The following RBFOX1 variants were observed in gnomAD, a reference collection of about 807,000 sequenced individuals.
RBFOX1 encodes RNA binding protein fox-1 homolog 1.
RBFOX1 carries 8 observed loss-of-function variants against 57.7 expected under a neutral mutation model. That is an observed-to-expected ratio of 0.14 (90% confidence interval 0.08 to 0.25). RBFOX1 has a LOEUF of 0.25. Ranked by LOEUF, RBFOX1 falls within the 10% of genes least tolerant of loss-of-function variation. The pLI is 1.00. For missense variants in RBFOX1, 611 were observed against 548.5 expected (o/e 1.11, Z -1.14); for synonymous variants, 326 against 222.4 (o/e 1.47, Z -4.15).
chr16:7,446,798 A>ATTTTTT (rs34580591), intron 4 of RBFOX1, among the ~76,000 whole-genome samples: 4 of 49,018 alleles, frequency 8.2e-5, no homozygotes, highest in Admixed American at 4.0e-4. Flanking sequence ...AGGTCTAGGT[A>ATTTTTT]TTTTTTTTTT....
At chr16:7,233,892 C>G (rs768176084) in intron 4 of RBFOX1, among the ~76,000 whole-genome samples, 15 of 152,202 alleles carry the variant, frequency 9.9e-5, no homozygotes, top group Admixed American at 1.3e-4. Context: ...AATCACCACT[C>G]AACGAGAGCT....
chr16:6,845,728 A>G (rs1441179022), intron 3 of RBFOX1, among the ~76,000 whole-genome samples: 8 of 152,070 alleles, frequency 5.3e-5, no homozygotes, highest in Non-Finnish European at 7.4e-5. Context: ...AGACCCATGT[A>G]CCTCCTTCCT....
chr16:5,568,226 T>C (rs1243588401), intron 2 of RBFOX1, among the ~76,000 whole-genome samples: 1 of 151,170 alleles, frequency 6.6e-6, no homozygotes, highest in African/African-American at 2.4e-5. Flanking sequence ...TTGCAGCGTA[T>C]GGGGGCCTGT....
Position 7,278,880 on chromosome 16 carries a change from G to T in RBFOX1, c.27+226782G>T, listed in dbSNP as rs200778381. On this transcript the variant is annotated intron_variant, in intron 4 of 15. Transcript: ENST00000550418. ...GTTCTCAGCCTAAATTTATCTTGTC[G>T]AAAGGGAATTATTCTGACCGGGGCT... 2.5e-3 allele frequency among the ~76,000 whole-genome samples: 386 copies of T among 152,232 alleles called. 2 individuals are homozygous for T. The highest frequency in any genetic ancestry group is 4.7e-3 in the Non-Finnish European group (317 of 68,022).
chr16:6,493,683 A>G (rs926912039), intron 2 of RBFOX1, among the ~76,000 whole-genome samples: 6 of 152,192 alleles, frequency 3.9e-5, no homozygotes, highest in African/African-American at 1.2e-4. Flanking sequence ...AAATATTTTT[A>G]TCTCAAACTG....
chr16:5,666,496 G>C (rs2049848826), intron 3 of RBFOX1, among the ~76,000 whole-genome samples: 1 of 152,176 alleles, frequency 6.6e-6, no homozygotes, highest in East Asian at 1.9e-4. Flanking sequence ...ATAGAGCGAT[G>C]GACAAGACAG....
intron 4 of RBFOX1, among the ~76,000 whole-genome samples, chr16:7,492,807 G>C (rs1049286185): frequency 2.6e-5 from 4 of 152,096 alleles, no homozygotes; most frequent in Non-Finnish European, 5.9e-5. Context: ...TGACATGCCT[G>C]CTTCTGCTTC....
intron 3 of RBFOX1, among the ~76,000 whole-genome samples, chr16:7,006,271 C>T (rs1054829713): frequency 1.6e-4 from 25 of 152,224 alleles, no homozygotes; most frequent in African/African-American, 5.8e-4. Context: ...TCTCCTGTCT[C>T]AGCCTCTCGA....
chr16:7,180,792 T>A (rs887252505), intron 4 of RBFOX1, among the ~76,000 whole-genome samples: 12 of 151,900 alleles, frequency 7.9e-5, no homozygotes, highest in African/African-American at 2.9e-4. Context: ...AGGGAAAGTT[T>A]ATTTTAAGCA....
At chr16:5,411,676 G>T (rs2067025388) in intron 1 of RBFOX1, among the ~76,000 whole-genome samples, 1 of 151,992 alleles carries the variant, frequency 6.6e-6, no homozygotes, top group African/African-American at 2.4e-5. Context: ...GAGGTGGGAG[G>T]ATTGCTTGAG....
At chr16:7,316,237 T>C (rs530472974) in intron 4 of RBFOX1, among the ~76,000 whole-genome samples, 1 of 152,326 alleles carries the variant, frequency 6.6e-6, no homozygotes, top group Admixed American at 6.5e-5. Context: ...AGTTACTATA[T>C]TACATAAGAC....
At chr16:5,686,035 A>G (rs1341106466) in intron 3 of RBFOX1, among the ~76,000 whole-genome samples, 2 of 152,148 alleles carry the variant, frequency 1.3e-5, no homozygotes, top group Non-Finnish European at 2.9e-5. Context: ...GTCTCTTTTT[A>G]ATTTGATACT....
intron 3 of RBFOX1, among the ~76,000 whole-genome samples, chr16:6,856,068 C>G (rs1376037334): frequency 6.6e-6 from 1 of 151,856 alleles, no homozygotes; most frequent in African/African-American, 2.4e-5. Flanking sequence ...GTTAATGGAC[C>G]TCAGTGAAGA....
At chr16:5,876,946 A>G (rs116306147) in intron 4 of RBFOX1, among the ~76,000 whole-genome samples, 1,657 of 152,244 alleles carry the variant, frequency 0.011, 19 homozygotes, top group African/African-American at 0.038. Flanking sequence ...TGGAGATGCA[A>G]TGGTTGAAGG....
intron 3 of RBFOX1, among the ~76,000 whole-genome samples, chr16:6,964,203 G>C (rs898586622): frequency 2.6e-5 from 4 of 151,784 alleles, no homozygotes; most frequent in Non-Finnish European, 5.9e-5. Flanking sequence ...TTTTTTAGTA[G>C]AGATGGGGTT....
At chr16:6,382,128 A>T (rs1339104157) in intron 2 of RBFOX1, among the ~76,000 whole-genome samples, 2 of 152,172 alleles carry the variant, frequency 1.3e-5, no homozygotes, top group African/African-American at 4.8e-5. Flanking sequence ...TGGATGCAGA[A>T]ATTTGAATTT....
chr16:6,176,130 A>C (rs980310320), intron 1 of RBFOX1, among the ~76,000 whole-genome samples: 2 of 151,838 alleles, frequency 1.3e-5, no homozygotes, highest in Non-Finnish European at 2.9e-5. Context: ...CTAAATTACT[A>C]CACATCATTA....
At chr16:6,295,138 T>C (rs2077954450) in intron 1 of RBFOX1, among the ~76,000 whole-genome samples, 1 of 142,398 alleles carries the variant, frequency 7.0e-6, no homozygotes, top group Non-Finnish European at 1.5e-5. Flanking sequence ...AGACGGGGTA[T>C]CTCTCTGTCG....
intron 4 of RBFOX1, among the ~76,000 whole-genome samples, chr16:7,474,226 G>T (rs1166739300): frequency 1.3e-5 from 2 of 151,990 alleles, no homozygotes; most frequent in African/African-American, 2.4e-5. Flanking sequence ...GGCGGAAGTT[G>T]CAGTGAGCCG....
Sources: gnomAD v4.1 joint callset for allele counts (sites outside exome capture counted in the v4.1 genomes callset) on GRCh38, gnomAD v4.1.1 for gene constraint, MANE v1.5 for transcripts, NCBI Gene and HGNC (gene_info 2026-07-23, HGNC 2026-07-21) for gene names.